The following HDAC9 variants were observed in gnomAD, a reference collection of about 807,000 sequenced individuals.
The protein encoded by HDAC9 is histone deacetylase 9.
HDAC9 carries 41 observed loss-of-function variants against 139.4 expected under a neutral mutation model. The ratio of observed to expected loss-of-function variants is 0.29; its 90% confidence interval spans 0.23 to 0.38. HDAC9 has a LOEUF of 0.38. Ranked by LOEUF, HDAC9 falls within the 10% of genes least tolerant of loss-of-function variation. The pLI is 1.00. For synonymous variants in HDAC9, 517 were observed against 476.2 expected (o/e 1.09, Z -1.12); for missense variants, 1,147 against 1,297.0 (o/e 0.88, Z 1.78).
At chr7:18,307,545 G>C (rs898164020) in intron 1 of HDAC9, among the ~76,000 whole-genome samples, 1 of 152,144 alleles carries the variant, frequency 6.6e-6, no homozygotes, top group East Asian at 1.9e-4. Flanking sequence ...GCTCACGCTT[G>C]CATTCCCAGC....
chr7:18,800,796 T>C (rs1321661864), intron 17 of HDAC9, among the ~76,000 whole-genome samples: 1 of 152,030 alleles, frequency 6.6e-6, no homozygotes, highest in Non-Finnish European at 1.5e-5. Context: ...TCGTGCTGTC[T>C]CATTCCAGCC....
intron 13 of HDAC9, among the ~76,000 whole-genome samples, chr7:18,729,026 A>G (rs1034165254): frequency 1.2e-4 from 18 of 152,098 alleles, no homozygotes; most frequent in Admixed American, 6.6e-5. Context: ...AACACTGCCC[A>G]GTGTTAGTGG....
intron 6 of HDAC9, among the ~76,000 whole-genome samples, chr7:18,603,070 G>A (rs184995031): frequency 2.0e-5 from 3 of 152,062 alleles, no homozygotes; most frequent in East Asian, 1.9e-4. Flanking sequence ...TTTTATCTTC[G>A]ATAATCTTCT....
chr7:18,648,738 T>G, intron 11 of HDAC9, 55 bp downstream of exon 11: 19 of 1,429,724 alleles, frequency 1.3e-5, no homozygotes, highest in Non-Finnish European at 1.6e-5. Context: ...AAATTGGGTA[T>G]CTCTTCACTG....
intron 2 of HDAC9, among the ~76,000 whole-genome samples, chr7:18,521,439 A>G (rs1804991966): frequency 1.3e-5 from 2 of 152,188 alleles, no homozygotes; most frequent in African/African-American, 4.8e-5. Context: ...TTGTCACAAT[A>G]TAGATCATTT....
intron 13 of HDAC9, among the ~76,000 whole-genome samples, chr7:18,748,509 G>C (rs191894013): frequency 6.6e-6 from 1 of 152,246 alleles, no homozygotes; most frequent in Admixed American, 6.5e-5. Context: ...AACAGGATAG[G>C]CAGAGTGGGA....
chr7:18,834,353 G>A (rs1435676205), intron 19 of HDAC9, among the ~76,000 whole-genome samples: 2 of 150,694 alleles, frequency 1.3e-5, no homozygotes, highest in African/African-American at 4.9e-5. Context: ...TTGGTCAGAA[G>A]ATATTATGAA....
At chr7:18,248,144 A>G (rs1178337679) in intron 2 of HDAC9, among the ~76,000 whole-genome samples, 2 of 152,208 alleles carry the variant, frequency 1.3e-5, no homozygotes, top group African/African-American at 4.8e-5. Context: ...TATAACTAAT[A>G]AAGTCGTGTC....
chr7:18,992,815 G>A (rs533473329), intron 25 of HDAC9, among the ~76,000 whole-genome samples: 89 of 152,100 alleles, frequency 5.9e-4, no homozygotes, highest in Non-Finnish European at 5.9e-4. Context: ...AGTGTTCACT[G>A]TGACATTGAC....
chr7:18,090,840 T>C (rs1267889996), intron 1 of HDAC9, among the ~76,000 whole-genome samples: 1 of 151,788 alleles, frequency 6.6e-6, no homozygotes, highest in Non-Finnish European at 1.5e-5. Flanking sequence ...CATATCTGAA[T>C]AAATCAGACT....
chr7:18,811,309 C>A (rs552448014), intron 17 of HDAC9, among the ~76,000 whole-genome samples: 100 of 151,462 alleles, frequency 6.6e-4, no homozygotes, highest in Non-Finnish European at 1.0e-3. Context: ...TCTTATTTTT[C>A]TAGTTTTCAA....
chr7:18,117,121 C>G (rs1242493620), intron 1 of HDAC9, among the ~76,000 whole-genome samples: 2 of 152,088 alleles, frequency 1.3e-5, no homozygotes, highest in Non-Finnish European at 2.9e-5. Flanking sequence ...CCCAAGAGGT[C>G]TGTTTAAATC....
chr7:18,836,294 GT>G (rs1796232811), intron 21 of HDAC9, among the ~76,000 whole-genome samples: 1 of 152,148 alleles, frequency 6.6e-6, no homozygotes, highest in South Asian at 2.1e-4. Context: ...GGTTTTTACA[GT>G]AGACATTAGC....
At position 18,590,539 on chromosome 7, in the gene HDAC9, C is replaced by G. The variant is rs531452446; in HGVS notation, c.415+53C>G. 3.4e-5 allele frequency: 52 copies of G among 1,520,474 alleles called. No homozygotes were observed. In the South Asian group the frequency reaches 5.5e-4, roughly 16 times the overall value. The allele number at this position is 1,520,474 out of a possible 1,614,324, so 94.2% of individuals were successfully genotyped here. A position where few individuals can be genotyped will look rare whatever the true frequency, so the allele number is the denominator to read the frequency against. On this transcript the variant is annotated intron_variant, in intron 4 of 25. Coordinates refer to ENST00000686413, the MANE Select transcript of HDAC9 (RefSeq NM_178425.4). ...CTCTCTTTCCTCATCGTTAGCTGAT[C>G]ATTATTCAGAACAAAGCCTGATAAA... is the stretch of plus-strand genomic sequence containing the variant.
chr7:18,162,066 T>G (rs1179302228), intron 1 of HDAC9, among the ~76,000 whole-genome samples: 1 of 152,184 alleles, frequency 6.6e-6, no homozygotes, highest in Non-Finnish European at 1.5e-5. Context: ...TTTGCTCTTT[T>G]TTAGATGAAG....
intron 2 of HDAC9, among the ~76,000 whole-genome samples, chr7:18,220,101 T>C (rs1194864503): frequency 6.6e-6 from 1 of 152,198 alleles, no homozygotes; most frequent in Non-Finnish European, 1.5e-5. Flanking sequence ...TGGAAATGTG[T>C]ACTATTCTTA....
At chr7:18,291,456 G>A (rs983134639) in intron 1 of HDAC9, among the ~76,000 whole-genome samples, 14 of 152,018 alleles carry the variant, frequency 9.2e-5, no homozygotes, top group African/African-American at 3.4e-4. Flanking sequence ...TGAGCATGAG[G>A]GATGATGAAC....
intron 2 of HDAC9, among the ~76,000 whole-genome samples, chr7:18,254,450 A>G (rs1167901376): frequency 6.6e-6 from 1 of 152,220 alleles, no homozygotes; most frequent in Admixed American, 6.5e-5. Flanking sequence ...TGAAATATTA[A>G]TTGCTAAACA....
intron 21 of HDAC9, 118 bp from the exon 22 acceptor site, chr7:18,874,360 A>C (rs1191629480): frequency 5.5e-6 from 3 of 543,200 alleles, no homozygotes; most frequent in Non-Finnish European, 1.0e-5. Context: ...TAATGTTTTT[A>C]TTCCCCTTTT....
Sources: allele counts gnomAD v4.1 joint callset (sites outside exome capture counted in the v4.1 genomes callset), GRCh38; gene constraint gnomAD v4.1.1; transcripts MANE v1.5; gene names NCBI Gene and HGNC (gene_info 2026-07-23, HGNC 2026-07-21).